BRCA1: variants seen among roughly 807,000 people sequenced by gnomAD.
BRCA1 encodes breast cancer type 1 susceptibility protein.
In BRCA1, 140 loss-of-function variants were observed where a neutral mutation model predicts 173.7. The ratio of observed to expected loss-of-function variants is 0.81; its 90% CI spans 0.70 to 0.93. The LOEUF is 0.93. BRCA1 is among the 40% of genes least tolerant of loss of function. BRCA1 has a pLI of 0.00. For missense variants in BRCA1, 1,983 were observed against 2,172.5 expected (o/e 0.91, Z 1.73); for synonymous variants, 662 against 756.0 (o/e 0.88, Z 2.04).
At chr17:43,164,822 G>T (rs2056257258) in intron 1 of BRCA1, 1 of 152,190 alleles carries the variant, frequency 6.6e-6, no homozygotes, top group African/African-American at 2.4e-5. Context: ...TCTAGGGGTG[G>T]TACATGTGCT....
At chr17:43,108,870 G>A (rs892242968) in intron 3 of BRCA1, among the ~76,000 whole-genome samples, 2 of 151,946 alleles carry the variant, frequency 1.3e-5, no homozygotes, top group African/African-American at 2.4e-5. Flanking sequence ...GCATATGCCT[G>A]TAATCCTGGC....
At chr17:43,103,039 GGGATTATA>G (rs2054563027) in intron 6 of BRCA1, among the ~76,000 whole-genome samples, 1 of 151,890 alleles carries the variant, frequency 6.6e-6, no homozygotes, top group African/African-American at 2.4e-5. Flanking sequence ...CCAAAGGGTT[GGGATTATA>G]GGCATGAGCC....
intron 16 of BRCA1, among the ~76,000 whole-genome samples, chr17:43,065,055 C>T (rs1004951959): frequency 1.3e-5 from 2 of 152,040 alleles, no homozygotes; most frequent in South Asian, 2.1e-4. Context: ...TGGTCTCGAT[C>T]TCCTGACCTC....
upstream of BRCA1, among the ~76,000 whole-genome samples, chr17:43,126,890 G>A (rs1411044296): frequency 1.3e-5 from 2 of 152,136 alleles, no homozygotes; most frequent in Non-Finnish European, 2.9e-5. Flanking sequence ...GCCAGCCAGC[G>A]CGAGTTCCAG....
chr17:43,117,770 C>G (rs1567819108), intron 2 of BRCA1, among the ~76,000 whole-genome samples: 1 of 152,062 alleles, frequency 6.6e-6, no homozygotes, highest in East Asian at 1.9e-4. Flanking sequence ...ATAAAAACTT[C>G]AGAAAATACA....
chr17:43,090,793 T>C, intron 11 of BRCA1, 151 bp downstream of exon 11: 1 of 788,660 alleles, frequency 1.3e-6, no homozygotes, highest in Non-Finnish European at 2.2e-6. Context: ...TCAAGGTGCT[T>C]ACAGTCTAAT....
At chr17:43,157,575 A>T (rs1233483146) in intron 1 of BRCA1, among the ~76,000 whole-genome samples, 1 of 152,134 alleles carries the variant, frequency 6.6e-6, no homozygotes, top group African/African-American at 2.4e-5. Flanking sequence ...ACACGCCTGT[A>T]ATCCTAGCTA....
intron 2 of BRCA1, among the ~76,000 whole-genome samples, chr17:43,121,338 G>A (rs2055559990): frequency 6.6e-6 from 1 of 152,098 alleles, no homozygotes; most frequent in Admixed American, 6.6e-5. Flanking sequence ...TCGTGCCACT[G>A]CACTCCAGCC....
chr17:43,090,735 T>C (rs2053418723), intron 11 of BRCA1, among the ~76,000 whole-genome samples: 1 of 151,836 alleles, frequency 6.6e-6, no homozygotes. Context: ...GTGTAGGCTG[T>C]GTGTGCGCGT....
chr17:43,135,890 G>T (rs539491990), intron 1 of BRCA1, among the ~76,000 whole-genome samples: 3 of 152,154 alleles, frequency 2.0e-5, no homozygotes, highest in Non-Finnish European at 4.4e-5. Flanking sequence ...ATCCCCAGGC[G>T]CCCGGCCTCT....
rs2152450592 is a variant in BRCA1, at chr17:43,045,598, G to T, written c.*80C>A. 1.9e-6 allele frequency: 3 copies of T among 1,575,846 alleles called. No homozygotes were observed. The highest frequency in any genetic ancestry group is 2.6e-6 in the Non-Finnish European group (3 of 1,148,562). ...ACAGTAGAAGGACTGAAGAGTGAGA[G>T]GAGCTCCCAGGGCCTGGAAAGGCCA... On this transcript the variant is annotated 3_prime_UTR_variant, in exon 23 of 23. Transcript: ENST00000357654.
intron 16 of BRCA1, among the ~76,000 whole-genome samples, chr17:43,065,680 AC>A (rs2052038197): frequency 6.6e-6 from 1 of 152,172 alleles, no homozygotes; most frequent in African/African-American, 2.4e-5. Context: ...AAAAACAAAA[AC>A]AAAAACAAAA....
intron 18 of BRCA1, among the ~76,000 whole-genome samples, chr17:43,057,912 C>G (rs375310294): frequency 4.8e-5 from 7 of 144,406 alleles, no homozygotes; most frequent in Non-Finnish European, 1.0e-4. Context: ...CCCAGCTACT[C>G]GGGAAGCTGA....
At position 43,061,876 on chromosome 17, in the gene BRCA1, C is replaced by T. The variant is rs2187603; in HGVS notation, c.5193+1457G>A. Among the ~76,000 whole-genome samples the T allele has an allele frequency of 0.29, 44,689 of 151,986 alleles. 7,173 individuals carry two copies. The highest frequency in any genetic ancestry group is 0.49 in the South Asian group (2,370 of 4,820). ...CTGGGATTATAGGCATGAGCCACCA[C>T]GCCTGGCCTATAAAATTACTTTCAC... On this transcript the variant is annotated intron_variant, in intron 18 of 22. Coordinates refer to ENST00000357654, the MANE Select transcript of BRCA1 (RefSeq NM_007294.4).
intron 1 of BRCA1, chr17:43,164,454 G>C (rs2056254752): frequency 6.6e-6 from 1 of 152,068 alleles, no homozygotes; most frequent in Non-Finnish European, 1.5e-5. Context: ...GTCCCCACAG[G>C]GTATAACAAG....
chr17:43,157,945 G>A (rs2056208287), intron 1 of BRCA1, among the ~76,000 whole-genome samples: 1 of 146,508 alleles, frequency 6.8e-6, no homozygotes, highest in Non-Finnish European at 1.5e-5. Flanking sequence ...GTGGTGAGCC[G>A]AGATGTGCCA....
intron 1 of BRCA1, chr17:43,131,403 A>G: frequency 2.9e-6 from 1 of 346,910 alleles, no homozygotes. Flanking sequence ...AATAATAAAA[A>G]CAATGAGACA....
chr17:43,058,019 CAAAAA>C (rs68106056), intron 18 of BRCA1, among the ~76,000 whole-genome samples: 3 of 34,496 alleles, frequency 8.7e-5, no homozygotes, highest in African/African-American at 2.0e-4. Context: ...AACTCTGTCT[CAAAAA>C]AAAAAAAAAA....
At chr17:43,104,592 A>G (rs2054656793) in intron 5 of BRCA1, among the ~76,000 whole-genome samples, 1 of 152,192 alleles carries the variant, frequency 6.6e-6, no homozygotes, top group African/African-American at 2.4e-5. Flanking sequence ...TATCACTAAG[A>G]AAGAAAGCAC....
Sources: gnomAD v4.1 joint callset for allele counts (sites outside exome capture counted in the v4.1 genomes callset) on GRCh38, gnomAD v4.1.1 for gene constraint, MANE v1.5 for transcripts, NCBI Gene and HGNC (gene_info 2026-07-23, HGNC 2026-07-21) for gene names.